ACSL4: variants seen among roughly 807,000 people sequenced by gnomAD.
ACSL4 encodes the protein long-chain-fatty-acid--CoA ligase 4.
Under a neutral mutation model 49.1 loss-of-function variants are expected in ACSL4, and 9 were observed. That is an observed-to-expected ratio of 0.18 (90% CI 0.11 to 0.32). The LOEUF is 0.32. ACSL4 is among the 10% of genes least tolerant of loss of function. The pLI is 1.00. For synonymous variants in ACSL4, 191 were observed against 170.3 expected (o/e 1.12, Z -0.95); for missense variants, 333 against 493.7 (o/e 0.67, Z 3.08).
At chrX:109,665,772 C>T (rs941852484) in intron 11 of ACSL4, among the ~76,000 whole-genome samples, 18 of 111,785 alleles carry the variant, frequency 1.6e-4, no homozygotes, top group Admixed American at 2.8e-4. Context: ...CTAAGCTTGT[C>T]ATAAGATAGA....
intron 15 of ACSL4, among the ~76,000 whole-genome samples, chrX:109,653,574 G>A (rs1921351823): frequency 9.0e-6 from 1 of 111,187 alleles, no homozygotes; most frequent in East Asian, 2.8e-4. Flanking sequence ...AACAATGATA[G>A]ACTGGATTAA....
intron 1 of ACSL4, among the ~76,000 whole-genome samples, chrX:109,726,523 C>T (rs909731090): frequency 3.6e-5 from 4 of 112,175 alleles, no homozygotes; most frequent in Admixed American, 2.8e-4. Flanking sequence ...TAAACAAGCA[C>T]GCTGGAGTAC....
At chrX:109,648,683 G>A (rs1230580354) in intron 15 of ACSL4, among the ~76,000 whole-genome samples, 1 of 109,663 alleles carries the variant, frequency 9.1e-6, no homozygotes, top group African/African-American at 3.3e-5. Context: ...AGGGCGATCA[G>A]GCAGGAGAAG....
chrX:109,694,486 A>G (rs1194486924), intron 2 of ACSL4, among the ~76,000 whole-genome samples: 1 of 111,747 alleles, frequency 8.9e-6, no homozygotes, highest in African/African-American at 3.3e-5. Flanking sequence ...ATCACAAAAC[A>G]GCAAAAAATG....
At chrX:109,690,769 G>C (rs1032896035) in intron 2 of ACSL4, among the ~76,000 whole-genome samples, 10 of 96,818 alleles carry the variant, frequency 1.0e-4, no homozygotes, top group Non-Finnish European at 1.5e-4. Flanking sequence ...GGGGGGGGGG[G>C]CCTCTATAGA....
At chrX:109,716,156 G>A (rs1237076013) in intron 1 of ACSL4, among the ~76,000 whole-genome samples, 1 of 111,606 alleles carries the variant, frequency 9.0e-6, no homozygotes, top group Non-Finnish European at 1.9e-5. Context: ...CCTTTGTGGA[G>A]CTTACTGTTC....
At position 109,668,266 on chromosome X, in the gene ACSL4, A is replaced by G; in HGVS notation, c.1150T>C (p.Phe384Leu). The G allele has an allele frequency of 8.3e-7, 1 of 1,199,814 alleles. No homozygotes were observed. The change falls in exon 11 of 16, where the codon TTT becomes CTT. Residue 384 changes from phenylalanine (F) to leucine (L), a missense_variant. This residue lies in a region of ACSL4 where 175 missense variants were observed against 275.8 expected (regional missense o/e 0.63). Transcript: ENST00000672401. The stretch of plus-strand genomic sequence containing the variant: ...CCCAGCAGGGCCTTGACCTTTTTAA[A>G]CAGTAACCTTAATAAAGGGAGGATA... ...YDAPLCNLLL[F>L]KKVKALLGGN...
intron 1 of ACSL4, among the ~76,000 whole-genome samples, chrX:109,713,690 GA>G (rs768110393): frequency 3.6e-4 from 40 of 111,820 alleles, no homozygotes; most frequent in Non-Finnish European, 6.2e-4. Context: ...TGTTAGGGGG[GA>G]AAAGATTGAG....
chrX:109,652,643 C>T (rs1472153887), intron 15 of ACSL4, among the ~76,000 whole-genome samples: 1 of 110,919 alleles, frequency 9.0e-6, no homozygotes, highest in Non-Finnish European at 1.9e-5. Context: ...ATTTGAAATG[C>T]TATACTTAAA....
rs765447857 is a variant in ACSL4, at chrX:109,678,034, T to C, written c.884A>G (p.Tyr295Cys). 7 of 1,210,884 alleles carry C rather than the reference T, an allele frequency of 5.8e-6. No individual in the cohort carries two copies. The East Asian group carries it at 1.2e-4, about 20-fold the overall frequency. The change falls in exon 8 of 16, where the codon TAT becomes TGT. Residue 295 changes from tyrosine (Y) to cysteine (C), a missense_variant. By Grantham distance (194) the Tyr-to-Cys change is radical. This residue lies in a region of ACSL4 where 175 missense variants were observed against 275.8 expected (regional missense o/e 0.63). Coordinates refer to ENST00000672401, the MANE Select transcript of ACSL4 (RefSeq NM_001318510.2). ...ELTAEISCFT[Y>C]GCRIGYSSPL... ...AGAAGAATATCCAATCCTGCAGCCATAGGTAAAGCAAGATATCTCTGCTGT... is the reference window on the plus strand; with the variant it reads ...AGAAGAATATCCAATCCTGCAGCCACAGGTAAAGCAAGATATCTCTGCTGT...
At chrX:109,684,085 A>G (rs1201129771) in intron 2 of ACSL4, among the ~76,000 whole-genome samples, 1 of 110,384 alleles carries the variant, frequency 9.1e-6, no homozygotes, top group Non-Finnish European at 1.9e-5. Flanking sequence ...ACATCTTTAA[A>G]TAGTGTTAGG....
intron 1 of ACSL4, among the ~76,000 whole-genome samples, chrX:109,714,762 T>G (rs892523118): frequency 2.7e-5 from 3 of 112,288 alleles, no homozygotes; most frequent in Non-Finnish European, 3.8e-5. Flanking sequence ...ACAGTCTTGG[T>G]GCATAGTTGG....
chrX:109,728,995 G>A (rs1361037057), intron 1 of ACSL4, among the ~76,000 whole-genome samples: 3 of 109,805 alleles, frequency 2.7e-5, no homozygotes, highest in Non-Finnish European at 5.7e-5. Context: ...TGGATCATGA[G>A]GTCAGGAGAT....
At chrX:109,713,295 A>G (rs139366219) in intron 1 of ACSL4, among the ~76,000 whole-genome samples, 16 of 112,106 alleles carry the variant, frequency 1.4e-4, no homozygotes, top group African/African-American at 5.2e-4. Context: ...CCGTACTGAC[A>G]CACAGATGCA....
chrX:109,672,274 TA>T (rs754846666), intron 9 of ACSL4, among the ~76,000 whole-genome samples: 2,109 of 89,598 alleles, frequency 0.024, 72 homozygotes, highest in African/African-American at 0.083. Flanking sequence ...TATGAGATCT[TA>T]AAAAAAAAAT....
At position 109,682,822 on chromosome X, in the gene ACSL4, G is replaced by A. The variant is rs143811975; in HGVS notation, c.303C>T (p.Leu101=). 8.3e-7 allele frequency: 1 copy of A among 1,209,723 alleles called. No individual in the cohort carries two copies. The highest frequency in any genetic ancestry group is 1.1e-6 in the Non-Finnish European group (1 of 894,932). The change falls in exon 4 of 16, where the codon CTC becomes CTT. Residue 101 remains leucine, a synonymous_variant. Coordinates refer to ENST00000672401, the MANE Select transcript of ACSL4 (RefSeq NM_001318510.2). The part of the protein sequence containing the change: ...NRRVNNFGSG[L]TALGLKPKNT... Reference sequence around the variant, plus strand: ...TCTTTGGTTTTAGTCCCAGTGCAGTGAGTCCACTACCAAAGTTATTCACTC... The same window carrying A: ...TCTTTGGTTTTAGTCCCAGTGCAGTAAGTCCACTACCAAAGTTATTCACTC...
intron 1 of ACSL4, among the ~76,000 whole-genome samples, chrX:109,720,937 C>G (rs187645295): frequency 5.8e-4 from 65 of 111,965 alleles, no homozygotes; most frequent in Non-Finnish European, 3.6e-4. Flanking sequence ...ATATCATTAT[C>G]CTAGGCCTTC....
intron 1 of ACSL4, among the ~76,000 whole-genome samples, chrX:109,696,823 C>G (rs1288840585): frequency 8.9e-6 from 1 of 112,648 alleles, no homozygotes; most frequent in Non-Finnish European, 1.9e-5. Flanking sequence ...CAGGCAGATA[C>G]CTTGAATCCA....
At chrX:109,691,919 C>A (rs1414430094) in intron 2 of ACSL4, 1 of 111,658 alleles carries the variant, frequency 9.0e-6, no homozygotes, top group Non-Finnish European at 1.9e-5. Flanking sequence ...TATAGAGATG[C>A]CATATACCAA....
Sources: allele counts gnomAD v4.1 joint callset (sites outside exome capture counted in the v4.1 genomes callset), GRCh38; gene constraint gnomAD v4.1.1; regional missense constraint gnomAD v4.1.1; transcripts MANE v1.5; gene names NCBI Gene and HGNC (gene_info 2026-07-23, HGNC 2026-07-21).